TMEM131L: variants seen among roughly 807,000 people sequenced by gnomAD.
TMEM131L encodes transmembrane 131 like.
Under a neutral mutation model 192.2 loss-of-function variants are expected in TMEM131L, and 54 were observed. The observed-to-expected ratio is 0.28, with a 90% confidence interval of 0.23 to 0.35. The LOEUF is 0.35. TMEM131L is among the 10% of genes least tolerant of loss of function. TMEM131L has a pLI of 1.00. For synonymous variants in TMEM131L, 701 were observed against 704.9 expected (o/e 0.99, Z 0.09); for missense variants, 1,888 against 1,972.9 (o/e 0.96, Z 0.82).
At chr4:153,586,608 A>G (rs914299336) in intron 14 of TMEM131L, among the ~76,000 whole-genome samples, 2 of 152,214 alleles carry the variant, frequency 1.3e-5, no homozygotes, top group Non-Finnish European at 2.9e-5. Flanking sequence ...CTTGAATGAA[A>G]TAAGGCATGA....
At chr4:153,534,516 C>G (rs1009193978) in intron 3 of TMEM131L, among the ~76,000 whole-genome samples, 1 of 152,182 alleles carries the variant, frequency 6.6e-6, no homozygotes, top group Non-Finnish European at 1.5e-5. Context: ...TCACTGCAAC[C>G]TTTGCCTCCC....
chr4:153,589,251 G>A (rs1000465678), intron 16 of TMEM131L, among the ~76,000 whole-genome samples: 3 of 151,924 alleles, frequency 2.0e-5, no homozygotes, highest in African/African-American at 4.8e-5. Context: ...CTATTAAGTC[G>A]ACAACTTTCA....
In TMEM131L at chr4:153,635,432, A is replaced by C; in HGVS notation, c.4418A>C (p.Glu1473Ala). The C allele has an allele frequency of 6.2e-7, 1 of 1,613,538 alleles. No homozygotes were observed. Among genetic ancestry groups the C allele is most frequent in the South Asian group, 1.1e-5 (1 of 91,014 alleles). Residue 1473 changes from glutamate (E) to alanine (A), a missense_variant and splice_region_variant, in exon 34 of 35, where the codon GAA becomes GCA. Glu to Ala is a moderately radical substitution (Grantham distance 107). Coordinates refer to ENST00000409959, the MANE Select transcript of TMEM131L (RefSeq NM_001131007.2). ...GATGATATTCTCCCATTCTTTGTAGAAAACATGAACTATGCCAATGGCTTC... is the reference window on the plus strand; with the variant it reads ...GATGATATTCTCCCATTCTTTGTAGCAAACATGAACTATGCCAATGGCTTC... ...ELNDYNAFPE[E>A]NMNYANGFPC... is the part of the protein sequence containing the mutation.
intron 3 of TMEM131L, among the ~76,000 whole-genome samples, chr4:153,528,515 A>C (rs1735661358): frequency 6.6e-6 from 1 of 152,208 alleles, no homozygotes; most frequent in Non-Finnish European, 1.5e-5. Flanking sequence ...AGGTAAGAAA[A>C]AGTGTAAGTT....
At chr4:153,500,681 A>G (rs1733542548) in intron 3 of TMEM131L, among the ~76,000 whole-genome samples, 1 of 152,202 alleles carries the variant, frequency 6.6e-6, no homozygotes, top group African/African-American at 2.4e-5. Flanking sequence ...TTCTCAATAT[A>G]CACTTAAGTA....
intron 3 of TMEM131L, among the ~76,000 whole-genome samples, chr4:153,504,289 T>C (rs951127383): frequency 8.6e-6 from 1 of 116,038 alleles, no homozygotes; most frequent in African/African-American, 3.4e-5. Flanking sequence ...TTTTTTTTTT[T>C]TTTTTTTTGG....
chr4:153,559,311 C>T (rs1728697099), intron 7 of TMEM131L, among the ~76,000 whole-genome samples: 2 of 152,142 alleles, frequency 1.3e-5, no homozygotes, highest in South Asian at 4.1e-4. Flanking sequence ...AAAGCCCCTC[C>T]TTGCAGAATT....
intron 3 of TMEM131L, among the ~76,000 whole-genome samples, chr4:153,492,676 T>C (rs1440903607): frequency 6.6e-6 from 1 of 152,180 alleles, no homozygotes; most frequent in African/African-American, 2.4e-5. Flanking sequence ...TCTGAAGGAA[T>C]GTATATAGTT....
intron 7 of TMEM131L, among the ~76,000 whole-genome samples, chr4:153,560,235 A>G (rs925453458): frequency 1.3e-5 from 2 of 152,208 alleles, no homozygotes; most frequent in African/African-American, 2.4e-5. Flanking sequence ...CCATGAGAAC[A>G]GGGACCATCT....
chr4:153,552,324 G>A (rs1010556126), intron 4 of TMEM131L, among the ~76,000 whole-genome samples: 1 of 152,150 alleles, frequency 6.6e-6, no homozygotes, highest in African/African-American at 2.4e-5. Flanking sequence ...TAGCTATTAG[G>A]ATAATAATTC....
At chr4:153,500,049 C>CGT (rs1733482303) in intron 3 of TMEM131L, among the ~76,000 whole-genome samples, 1 of 151,930 alleles carries the variant, frequency 6.6e-6, no homozygotes, top group African/African-American at 2.4e-5. Context: ...TCCTCCCTTC[C>CGT]TCCCTTCCGT....
Position 153,623,024 on chromosome 4 carries a change from C to T in TMEM131L, c.3986C>T (p.Thr1329Ile), listed in dbSNP as rs1733552287. 1 of 1,614,004 alleles carries T rather than the reference C, an allele frequency of 6.2e-7. No individual in the cohort carries two copies. Among genetic ancestry groups the T allele is most frequent in the Non-Finnish European group, 8.5e-7 (1 of 1,179,968 alleles). ...GGCAGCTGGGGGAGCTGGAGCAGCA[C>T]CAGCAGCTCCGACGGGGATAAGAAG... Reference protein sequence around the residue: ...SRGSWGSWSSTSSSDGDKKPM... With the variant: ...SRGSWGSWSSISSSDGDKKPM... Residue 1329 changes from threonine to isoleucine, a missense_variant, in exon 29 of 35, where the codon ACC (threonine) becomes ATC (isoleucine). Thr to Ile is a moderately conservative substitution (Grantham distance 89, BLOSUM62 -1). Transcript: ENST00000409959.
chr4:153,603,259 A>G lies in TMEM131L; in HGVS notation c.2640-44A>G, dbSNP rs757267897. 1.2e-5 allele frequency: 19 copies of G among 1,572,572 alleles called. No homozygotes were observed. The South Asian group carries it at 1.8e-4, about 15-fold the overall frequency. ...TAATGAAACTAGTCTTTTGAATGCC[A>G]GTCAGAACCATGCAATACTGAACCT... On this transcript the variant is annotated intron_variant, in intron 23 of 34. Transcript: ENST00000409959.
At chr4:153,617,285 A>T (rs1490746591) in intron 26 of TMEM131L, among the ~76,000 whole-genome samples, 5 of 152,198 alleles carry the variant, frequency 3.3e-5, no homozygotes, top group African/African-American at 1.2e-4. Context: ...TGGAACTGTG[A>T]GTCCAGTAAA....
chr4:153,527,517 TC>T lies in TMEM131L; in HGVS notation c.240-22554del, dbSNP rs533014776. On this transcript the variant is annotated intron_variant, in intron 3 of 34. Coordinates refer to ENST00000409959, the MANE Select transcript of TMEM131L (RefSeq NM_001131007.2). Reference sequence around the variant, plus strand: ...CTTTTGAACTCCTGGGCTCAAGTGATCCGCTTGCCTTGGCCTCTCAGTGTGC... The same window carrying T: ...CTTTTGAACTCCTGGGCTCAAGTGATCGCTTGCCTTGGCCTCTCAGTGTGC... 3.9e-3 allele frequency among the ~76,000 whole-genome samples: 598 copies of T among 152,282 alleles called. 6 individuals are homozygous for T. The highest frequency in any genetic ancestry group is 0.014 in the African/African-American group (581 of 41,568).
chr4:153,534,341 A>G (rs1327574634), intron 3 of TMEM131L, among the ~76,000 whole-genome samples: 8 of 152,176 alleles, frequency 5.3e-5, no homozygotes, highest in Non-Finnish European at 1.2e-4. Context: ...GAGGATGAGG[A>G]TTGTGGTGTG....
chr4:153,560,697 C>T (rs1318620633), intron 7 of TMEM131L, among the ~76,000 whole-genome samples: 1 of 152,110 alleles, frequency 6.6e-6, no homozygotes, highest in African/African-American at 2.4e-5. Flanking sequence ...GGCATCTTTC[C>T]CTTAGCATGT....
chr4:153,517,645 G>T (rs962463487), intron 3 of TMEM131L, among the ~76,000 whole-genome samples: 1 of 152,158 alleles, frequency 6.6e-6, no homozygotes, highest in Non-Finnish European at 1.5e-5. Flanking sequence ...GGAGCCTTTT[G>T]TTCAAGGAAG....
intron 3 of TMEM131L, among the ~76,000 whole-genome samples, chr4:153,495,072 T>C (rs944073592): frequency 1.3e-5 from 2 of 152,158 alleles, no homozygotes; most frequent in Admixed American, 6.5e-5. Context: ...TCCCAGCACA[T>C]TGGGAGGCCG....
Sources: gnomAD v4.1 joint callset for allele counts (sites outside exome capture counted in the v4.1 genomes callset) on GRCh38, gnomAD v4.1.1 for gene constraint, MANE v1.5 for transcripts, NCBI Gene and HGNC (gene_info 2026-07-23, HGNC 2026-07-21) for gene names.